The following MAGI2 variants were observed in gnomAD, a reference collection of about 807,000 sequenced individuals.
MAGI2 encodes the protein membrane-associated guanylate kinase, WW and PDZ domain-containing protein 2.
Under a neutral mutation model 133.3 loss-of-function variants are expected in MAGI2, and 35 were observed. The observed-to-expected ratio is 0.26, with a 90% CI of 0.20 to 0.35. The LOEUF (loss-of-function observed/expected upper bound fraction) is 0.35, where lower values mean the gene tolerates loss of function less well. Ranked by LOEUF, MAGI2 falls within the 10% of genes least tolerant of loss-of-function variation. The pLI, the probability that MAGI2 is intolerant of heterozygous loss-of-function variation, is 1.00. For synonymous variants in MAGI2, 729 were observed against 710.6 expected (o/e 1.03, Z -0.41); for missense variants, 1,636 against 1,863.4 (o/e 0.88, Z 2.25).
chr7:78,826,563 G>T (rs1391075675), intron 2 of MAGI2, among the ~76,000 whole-genome samples: 1 of 151,988 alleles, frequency 6.6e-6, no homozygotes, highest in African/African-American at 2.4e-5. Context: ...AAACTATTAC[G>T]CGTGATGGTG....
chr7:78,432,501 G>T (rs1468675321), intron 6 of MAGI2, among the ~76,000 whole-genome samples: 1 of 151,942 alleles, frequency 6.6e-6, no homozygotes, highest in Admixed American at 6.6e-5. Context: ...TTTTTCAAAT[G>T]TCCTAAAACG....
rs546990336 is a variant in MAGI2, at chr7:78,548,581, G to C, written c.539-26936C>G. Among the ~76,000 whole-genome samples the C allele has an allele frequency of 1.6e-3, 242 of 152,282 alleles. 3 individuals are homozygous for C. Among genetic ancestry groups the C allele is most frequent in the African/African-American group, 5.6e-3 (231 of 41,552 alleles). Reference sequence around the variant, plus strand: ...GTGGTGGTGCATGCCTGTAATCCCAGCTACTTGGGAGGCTGAGGCAGGAGA... The same window carrying C: ...GTGGTGGTGCATGCCTGTAATCCCACCTACTTGGGAGGCTGAGGCAGGAGA... On this transcript the variant is annotated intron_variant, in intron 3 of 21. Transcript: ENST00000354212.
intron 1 of MAGI2, among the ~76,000 whole-genome samples, chr7:79,333,411 C>T (rs746672354): frequency 6.6e-6 from 1 of 152,204 alleles, no homozygotes; most frequent in African/African-American, 2.4e-5. Context: ...CAGGCGTGAG[C>T]CACCGCACCC....
intron 1 of MAGI2, among the ~76,000 whole-genome samples, chr7:79,138,912 C>T (rs1047077825): frequency 1.4e-5 from 2 of 144,048 alleles, no homozygotes; most frequent in African/African-American, 5.2e-5. Flanking sequence ...GGAGGCGGAG[C>T]TTGCAGTGAG....
chr7:78,692,322 G>A (rs1585102816), intron 2 of MAGI2, among the ~76,000 whole-genome samples: 1 of 152,246 alleles, frequency 6.6e-6, no homozygotes, highest in East Asian at 1.9e-4. Flanking sequence ...CAGAAAGCAG[G>A]CAGTTTTTGA....
At chr7:78,579,881 T>G (rs1450993265) in intron 3 of MAGI2, among the ~76,000 whole-genome samples, 4 of 152,164 alleles carry the variant, frequency 2.6e-5, no homozygotes, top group African/African-American at 9.7e-5. Context: ...ACTACCCACT[T>G]GTCTGTTTCC....
At chr7:78,603,073 G>A (rs1805381163) in intron 3 of MAGI2, among the ~76,000 whole-genome samples, 1 of 151,926 alleles carries the variant, frequency 6.6e-6, no homozygotes, top group Admixed American at 6.5e-5. Flanking sequence ...GTTGCTAGGT[G>A]TTGGGACTCA....
intron 1 of MAGI2, among the ~76,000 whole-genome samples, chr7:79,194,192 C>T (rs1233920378): frequency 6.6e-6 from 1 of 151,894 alleles, no homozygotes; most frequent in East Asian, 1.9e-4. Flanking sequence ...TCTGGTTTTA[C>T]TGATTCATCG....
intron 2 of MAGI2, chr7:78,946,565 A>T (rs1340475931): frequency 6.6e-6 from 1 of 152,196 alleles, no homozygotes; most frequent in Non-Finnish European, 1.5e-5. Context: ...GTGTATTGAA[A>T]TTGTAGTCAT....
intron 15 of MAGI2, among the ~76,000 whole-genome samples, chr7:78,162,951 C>T (rs1825226584): frequency 6.6e-6 from 1 of 152,018 alleles, no homozygotes; most frequent in Non-Finnish European, 1.5e-5. Flanking sequence ...GCATTAACAG[C>T]CTTGTTTTAT....
intron 2 of MAGI2, among the ~76,000 whole-genome samples, chr7:78,762,608 A>G (rs369400266): frequency 4.8e-4 from 73 of 152,350 alleles, no homozygotes; most frequent in African/African-American, 1.5e-3. Flanking sequence ...ATATACAGGA[A>G]CTATGTCCTA....
At chr7:78,395,123 T>A (rs992816949) in intron 6 of MAGI2, among the ~76,000 whole-genome samples, 13 of 152,340 alleles carry the variant, frequency 8.5e-5, no homozygotes, top group African/African-American at 3.1e-4. Context: ...CAGAAAGCTG[T>A]CTTGTCTTTC....
chr7:78,104,251 C>T (rs1392954311), intron 20 of MAGI2, among the ~76,000 whole-genome samples: 3 of 152,170 alleles, frequency 2.0e-5, no homozygotes, highest in Admixed American at 1.3e-4. Flanking sequence ...AAGATGGAGT[C>T]TCGCTCTGTC....
chr7:78,700,836 C>T (rs1437428649), intron 2 of MAGI2, among the ~76,000 whole-genome samples: 1 of 151,782 alleles, frequency 6.6e-6, no homozygotes, highest in African/African-American at 2.4e-5. Context: ...ATAGATTCAA[C>T]TTCTCTTAAA....
At chr7:78,596,620 C>T (rs1277112158) in intron 3 of MAGI2, among the ~76,000 whole-genome samples, 1 of 152,104 alleles carries the variant, frequency 6.6e-6, no homozygotes, top group Non-Finnish European at 1.5e-5. Flanking sequence ...TAGGAAGGTT[C>T]TTGGTGGTGT....
intron 2 of MAGI2, among the ~76,000 whole-genome samples, chr7:78,653,573 G>C (rs1811806684): frequency 6.6e-6 from 1 of 152,008 alleles, no homozygotes; most frequent in Admixed American, 6.6e-5. Flanking sequence ...TCATAAGTGG[G>C]AGTTGAATAA....
At chr7:78,719,644 G>C (rs1216784622) in intron 2 of MAGI2, among the ~76,000 whole-genome samples, 1 of 152,202 alleles carries the variant, frequency 6.6e-6, no homozygotes, top group Non-Finnish European at 1.5e-5. Flanking sequence ...GTCATGCCAA[G>C]GGTTTGGAAT....
chr7:79,310,678 G>A (rs1438603955), intron 1 of MAGI2, among the ~76,000 whole-genome samples: 1 of 152,136 alleles, frequency 6.6e-6, no homozygotes, highest in Non-Finnish European at 1.5e-5. Context: ...GAAGCAACCA[G>A]AAAAGAATTC....
chr7:78,117,248 A>G (rs1396132796), intron 20 of MAGI2, among the ~76,000 whole-genome samples: 1 of 152,190 alleles, frequency 6.6e-6, no homozygotes, highest in African/African-American at 2.4e-5. Context: ...TTATAGGCCA[A>G]TCTTACTCAA....
Sources: gnomAD v4.1 joint callset for allele counts (sites outside exome capture counted in the v4.1 genomes callset) on GRCh38, gnomAD v4.1.1 for gene constraint, MANE v1.5 for transcripts, NCBI Gene and HGNC (gene_info 2026-07-23, HGNC 2026-07-21) for gene names.